The following NETO1 variants were observed in gnomAD, a reference collection of about 807,000 sequenced individuals.
NETO1 encodes the protein neuropilin and tolloid like 1.
In NETO1, 26 loss-of-function variants were observed where a neutral mutation model predicts 61.3. The observed-to-expected ratio is 0.42, with a 90% CI of 0.31 to 0.59. The LOEUF is 0.59. Among genes scored for constraint, NETO1 ranks in the 20% least tolerant of loss-of-function variants. The pLI is 0.12. For synonymous variants in NETO1, 225 were observed against 225.8 expected (o/e 1.00, Z 0.03); for missense variants, 531 against 662.8 (o/e 0.80, Z 2.18).
intron 4 of NETO1, among the ~76,000 whole-genome samples, chr18:72,821,012 C>T (rs190781102): frequency 6.6e-6 from 1 of 152,140 alleles, no homozygotes; most frequent in Non-Finnish European, 1.5e-5. Context: ...GACAGAAAAT[C>T]TCCTAATTAG....
intron 4 of NETO1, among the ~76,000 whole-genome samples, chr18:72,838,395 G>C (rs1415300657): frequency 6.6e-6 from 1 of 152,160 alleles, no homozygotes; most frequent in Non-Finnish European, 1.5e-5. Context: ...GACATCTCTA[G>C]GTTTCATCTC....
At chr18:72,751,846 G>C (rs2070629497) in intron 8 of NETO1, 1 of 152,200 alleles carries the variant, frequency 6.6e-6, no homozygotes, top group African/African-American at 2.4e-5. Flanking sequence ...CCTAAATAAA[G>C]TTAGTTTATT....
intron 4 of NETO1, among the ~76,000 whole-genome samples, chr18:72,826,119 T>C (rs1048385201): frequency 1.3e-5 from 2 of 152,178 alleles, no homozygotes; most frequent in Non-Finnish European, 2.9e-5. Context: ...TCCACAATTA[T>C]CGTGGTTTGC....
chr18:72,856,231 T>C (rs1376414618), intron 4 of NETO1, among the ~76,000 whole-genome samples: 2 of 152,182 alleles, frequency 1.3e-5, no homozygotes, highest in Non-Finnish European at 2.9e-5. Flanking sequence ...CTGCTGCTAT[T>C]ACTGCCTTGA....
intron 4 of NETO1, among the ~76,000 whole-genome samples, chr18:72,825,208 T>TC (rs2073337522): frequency 6.6e-6 from 1 of 152,210 alleles, no homozygotes; most frequent in Non-Finnish European, 1.5e-5. Flanking sequence ...AATGTACATC[T>TC]CAGAGCCCTA....
intron 7 of NETO1, among the ~76,000 whole-genome samples, chr18:72,759,361 A>C (rs539498259): frequency 1.3e-5 from 2 of 152,338 alleles, no homozygotes; most frequent in African/African-American, 4.8e-5. Context: ...TTAAAGTTTT[A>C]AGAGTATATT....
intron 7 of NETO1, among the ~76,000 whole-genome samples, chr18:72,772,793 TTCTCTCTCTCTC>T (rs71166423): frequency 1.7e-5 from 1 of 58,958 alleles, no homozygotes; most frequent in Non-Finnish European, 3.3e-5. Flanking sequence ...CTCTATATAG[TTCTCTCTCTCTC>T]TCTCTCTCTC....
intron 4 of NETO1, chr18:72,834,687 G>A (rs1164820050): frequency 8.1e-6 from 8 of 984,626 alleles, no homozygotes; most frequent in South Asian, 4.7e-5. Context: ...ACTTTCTCTC[G>A]GAATGGGCGA....
intron 4 of NETO1, chr18:72,853,285 T>C (rs1337853471): frequency 6.6e-6 from 1 of 152,236 alleles, no homozygotes; most frequent in African/African-American, 2.4e-5. Context: ...TGAGAATATT[T>C]TGAGTCAGTA....
rs139917796 is a variant in NETO1, at chr18:72,782,788, G to C, written c.868+890C>G. Among the ~76,000 whole-genome samples, 479 of 152,034 alleles carry C rather than the reference G, an allele frequency of 3.2e-3. 2 individuals are homozygous for C. Among genetic ancestry groups the C allele is most frequent in the African/African-American group, 0.011 (454 of 41,466 alleles). On this transcript the variant is annotated intron_variant, in intron 7 of 10. Transcript: ENST00000327305. Reference sequence around the variant, plus strand: ...CGTCGCACTCCAGCCTGGGCAACAAGAGCAAAACTCCATCTCAAAAAAAAA... The same window carrying C: ...CGTCGCACTCCAGCCTGGGCAACAACAGCAAAACTCCATCTCAAAAAAAAA...
At chr18:72,759,268 A>G (rs1006003168) in intron 7 of NETO1, among the ~76,000 whole-genome samples, 1 of 152,154 alleles carries the variant, frequency 6.6e-6, no homozygotes, top group Non-Finnish European at 1.5e-5. Flanking sequence ...TAATCTATAA[A>G]CCTGTCTTAA....
At chr18:72,825,626 C>G (rs987482901) in intron 4 of NETO1, among the ~76,000 whole-genome samples, 5 of 152,010 alleles carry the variant, frequency 3.3e-5, no homozygotes, top group African/African-American at 1.2e-4. Flanking sequence ...GAGATAATGC[C>G]TAAATCTTCA....
intron 4 of NETO1, among the ~76,000 whole-genome samples, chr18:72,828,161 A>C (rs1056677894): frequency 6.6e-6 from 1 of 152,192 alleles, no homozygotes; most frequent in African/African-American, 2.4e-5. Flanking sequence ...AAATACAAAA[A>C]TTAGCCAGGT....
intron 7 of NETO1, among the ~76,000 whole-genome samples, chr18:72,761,602 T>C (rs763543649): frequency 6.6e-6 from 1 of 152,186 alleles, no homozygotes; most frequent in Non-Finnish European, 1.5e-5. Context: ...CTCTCAACCT[T>C]GGGCTGCAAT....
chr18:72,759,424 T>A (rs948665340), intron 7 of NETO1, among the ~76,000 whole-genome samples: 1 of 152,204 alleles, frequency 6.6e-6, no homozygotes, highest in Non-Finnish European at 1.5e-5. Flanking sequence ...TTTTTAAAAA[T>A]TAATGTTTAT....
At chr18:72,748,502 G>T (rs2070483741) in intron 10 of NETO1, among the ~76,000 whole-genome samples, 1 of 151,994 alleles carries the variant, frequency 6.6e-6, no homozygotes, top group African/African-American at 2.4e-5. Flanking sequence ...ATTTTGATGA[G>T]ATGAGCTACA....
At chr18:72,764,474 G>A (rs1255460972) in intron 7 of NETO1, among the ~76,000 whole-genome samples, 1 of 151,980 alleles carries the variant, frequency 6.6e-6, no homozygotes, top group African/African-American at 2.4e-5. Context: ...TTCTCAGGCC[G>A]CTATGCTAGT....
intron 9 of NETO1, 44 bp from the exon 10 acceptor site, chr18:72,749,132 C>CAAA: frequency 1.9e-6 from 2 of 1,043,712 alleles, no homozygotes; most frequent in Non-Finnish European, 3.0e-6. Context: ...ACTATTTGCA[C>CAAA]AAAAAAATAT....
At chr18:72,795,445 T>C (rs567898781) in intron 4 of NETO1, among the ~76,000 whole-genome samples, 26 of 152,336 alleles carry the variant, frequency 1.7e-4, no homozygotes, top group South Asian at 6.2e-4. Context: ...CACTGAGACA[T>C]TGTATTATCT....
Sources: gnomAD v4.1 joint callset for allele counts (sites outside exome capture counted in the v4.1 genomes callset) on GRCh38, gnomAD v4.1.1 for gene constraint, MANE v1.5 for transcripts, NCBI Gene and HGNC (gene_info 2026-07-23, HGNC 2026-07-21) for gene names.